The following TCF20 variants were observed in gnomAD, a reference collection of about 807,000 sequenced individuals.
TCF20 encodes SPRE-binding protein.
Under a neutral mutation model 148.6 loss-of-function variants are expected in TCF20, and 3 were observed. The ratio of observed to expected loss-of-function variants is 0.02; its 90% CI spans 0.01 to 0.05. The LOEUF (loss-of-function observed/expected upper bound fraction) is 0.05, where lower values mean the gene tolerates loss of function less well. Ranked by LOEUF, TCF20 falls within the 10% of genes least tolerant of loss-of-function variation. TCF20 has a pLI of 1.00. For missense variants in TCF20, 2,350 were observed against 2,429.3 expected, an observed-to-expected ratio of 0.97 and a Z score of 0.69; for synonymous variants, 1,049 against 909.5, an observed-to-expected ratio of 1.15 and a Z score of -2.76.
chr22:42,191,615 T>C (rs376926949), intron 2 of TCF20, among the ~76,000 whole-genome samples: 122 of 152,326 alleles, frequency 8.0e-4, no homozygotes, highest in African/African-American at 2.8e-3. Flanking sequence ...TACAGTTATA[T>C]ATACTCCATT....
At position 42,343,311 on chromosome 22, in the gene TCF20, T is replaced by C. The variant is rs141546806; in HGVS notation, c.-37+168A>G. 1.3e-3 allele frequency among the ~76,000 whole-genome samples: 193 copies of C among 152,224 alleles called. 4 individuals are homozygous for C. The East Asian group carries it at 0.036, about 29-fold the overall frequency. ...CCGCTGGCGCACAGCAGGCGCGCGATAAGTGCCAGCCTTTGAGCCTCACAC... is the reference window on the plus strand; with the variant it reads ...CCGCTGGCGCACAGCAGGCGCGCGACAAGTGCCAGCCTTTGAGCCTCACAC... On this transcript the variant is annotated intron_variant, in intron 1 of 1. Coordinates refer to the TCF20 transcript ENST00000515426.
chr22:42,277,302 G>T (rs1926801439), intron 1 of TCF20, among the ~76,000 whole-genome samples: 1 of 152,166 alleles, frequency 6.6e-6, no homozygotes, highest in African/African-American at 2.4e-5. Context: ...GATCCCAAGG[G>T]TCCCTGTGGT....
rs1368168778 is a variant in TCF20, at chr22:42,241,244, T to C, written c.-36-25903A>G. 2.0e-5 allele frequency among the ~76,000 whole-genome samples: 3 copies of C among 152,214 alleles called. No individual in the cohort carries two copies. In the East Asian group the frequency reaches 5.8e-4, roughly 29 times the overall value. On this transcript the variant is annotated intron_variant, in intron 1 of 5. Transcript: ENST00000677622. Reference sequence around the variant, plus strand: ...CACACCCAAAGCCTCTAATTATTTCTATAAACAATTTTTCAAATACCATGT... The same window carrying C: ...CACACCCAAAGCCTCTAATTATTTCCATAAACAATTTTTCAAATACCATGT...
intron 1 of TCF20, among the ~76,000 whole-genome samples, chr22:42,312,076 C>CTT (rs545628654): frequency 1.3e-3 from 197 of 152,340 alleles, no homozygotes; most frequent in African/African-American, 4.6e-3. Flanking sequence ...ACTTAGAAAT[C>CTT]ACCTTGCAGA....
At chr22:42,179,936 CA>C (rs1230519533) in intron 2 of TCF20, among the ~76,000 whole-genome samples, 2 of 152,176 alleles carry the variant, frequency 1.3e-5, no homozygotes, top group African/African-American at 4.8e-5. Context: ...ATCAACAATA[CA>C]GCAGGGTGAG....
Position 42,212,106 on chromosome 22 carries a change from G to A in TCF20, c.3200C>T (p.Thr1067Ile). Residue 1067 changes from threonine (T) to isoleucine (I), a missense_variant, in exon 2 of 6, where the codon ACT (threonine) becomes ATT (isoleucine). Around this residue, in one of 7 missense-constraint regions of TCF20, gnomAD observed 1,641 missense variants for 1,662.6 expected, o/e 0.99. Coordinates refer to ENST00000677622, the MANE Select transcript of TCF20 (RefSeq NM_001378418.1). ...ETLASAYHAN[T>I]RAHAYGDPNA... ...AGGGTCCCCATAAGCATGAGCCCGA[G>A]TATTTGCATGATAAGCAGAGGCCAG... The A allele has an allele frequency of 6.2e-7, 1 of 1,614,194 alleles. No individual in the cohort carries two copies. The highest frequency in any genetic ancestry group is 8.5e-7 in the Non-Finnish European group (1 of 1,180,046).
chr22:42,314,109 C>G (rs891620979), intron 1 of TCF20, among the ~76,000 whole-genome samples: 2 of 152,186 alleles, frequency 1.3e-5, no homozygotes, highest in Non-Finnish European at 1.5e-5. Flanking sequence ...CAGGGAGCCC[C>G]GTTCCTGAGG....
intron 1 of TCF20, among the ~76,000 whole-genome samples, chr22:42,306,415 G>T (rs1232166162): frequency 6.6e-6 from 1 of 152,212 alleles, no homozygotes; most frequent in African/African-American, 2.4e-5. Flanking sequence ...GCTGCTAGGG[G>T]ACCCCCAGGC....
Position 42,298,370 on chromosome 22 carries a change from G to A in TCF20, c.-37+45109C>T, listed in dbSNP as rs545599464. 2.0e-5 allele frequency among the ~76,000 whole-genome samples: 3 copies of A among 152,364 alleles called. No individual in the cohort carries two copies. In the South Asian group the frequency reaches 6.2e-4, roughly 32 times the overall value. On this transcript the variant is annotated intron_variant, in intron 1 of 1. Transcript: ENST00000515426. ...CGACTGTTGTTGGGGCACCCATTGG[G>A]TGTGGAAGGCGACAGCAGCTGCTGC...
At chr22:42,340,784 T>C (rs1315637398) in intron 1 of TCF20, among the ~76,000 whole-genome samples, 1 of 150,674 alleles carries the variant, frequency 6.6e-6, no homozygotes, top group African/African-American at 2.5e-5. Context: ...TCCCTCATCA[T>C]CTCTTCCACA....
In TCF20 at chr22:42,211,998, C is replaced by A. The variant is rs1422708317; in HGVS notation, c.3308G>T (p.Gly1103Val). The A allele has an allele frequency of 1.6e-5, 26 of 1,614,158 alleles. No individual in the cohort carries two copies. Among genetic ancestry groups the A allele is most frequent in the South Asian group, 2.2e-5 (2 of 91,078 alleles). ...QPEEYKDWSS[G>V]SAQGVIAAAQ... ...TGCAGCAATTACTCCCTGAGCAGAA[C>A]CGCTGCTCCAGTCTTTATACTCCTC... Residue 1103 changes from glycine to valine, a missense_variant, in exon 2 of 6, where the codon GGT (glycine) becomes GTT (valine). Physicochemically the swap from Gly to Val is moderately radical, Grantham distance 109. Transcript: ENST00000677622.
intron 1 of TCF20, among the ~76,000 whole-genome samples, chr22:42,253,466 A>G (rs1925539531): frequency 6.6e-6 from 1 of 152,250 alleles, no homozygotes. Flanking sequence ...AAAAGGGATT[A>G]CATAAATATA....
chr22:42,300,303 C>T (rs1011073065), intron 1 of TCF20, among the ~76,000 whole-genome samples: 2 of 151,650 alleles, frequency 1.3e-5, no homozygotes, highest in Non-Finnish European at 2.9e-5. Context: ...GGTGAGAGCT[C>T]GTGGCTGGGC....
chr22:42,221,738 G>GTTTTT (rs1249442201), intron 1 of TCF20, among the ~76,000 whole-genome samples: 1 of 40,694 alleles, frequency 2.5e-5, no homozygotes, highest in Non-Finnish European at 4.6e-5. Flanking sequence ...TATGGCAAAG[G>GTTTTT]GTTTTTTTTT....
At chr22:42,258,928 T>G (rs1198663885) in intron 1 of TCF20, among the ~76,000 whole-genome samples, 1 of 152,188 alleles carries the variant, frequency 6.6e-6, no homozygotes, top group East Asian at 1.9e-4. Context: ...ATTTTACTTT[T>G]CTCTAACAGC....
At chr22:42,269,389 G>A (rs537237980) in intron 1 of TCF20, among the ~76,000 whole-genome samples, 6 of 152,256 alleles carry the variant, frequency 3.9e-5, no homozygotes, top group East Asian at 1.9e-4. Context: ...CCAGCAGACC[G>A]TATTGGTATC....
intron 2 of TCF20, among the ~76,000 whole-genome samples, chr22:42,188,130 C>T (rs35520721): frequency 2.0e-5 from 3 of 151,642 alleles, no homozygotes; most frequent in Non-Finnish European, 2.9e-5. Context: ...CCTGTCTCTA[C>T]TAAAAATACA....
chr22:42,271,910 G>A (rs1359229260), upstream of TCF20, among the ~76,000 whole-genome samples: 1 of 152,126 alleles, frequency 6.6e-6, no homozygotes, highest in Non-Finnish European at 1.5e-5. Flanking sequence ...TTTACTTTTT[G>A]ACCTTTCACC....
At position 42,161,154 on chromosome 22, in the gene TCF20, T is replaced by A; in HGVS notation, c.*249A>T. On this transcript the variant is annotated 3_prime_UTR_variant, in exon 6 of 6. Coordinates refer to ENST00000677622, the MANE Select transcript of TCF20 (RefSeq NM_001378418.1). ...CCACATTGTCACTATGGAGATTGTGTCCATGGAAACAGCCATTCCAACGTC... is the reference window on the plus strand; with the variant it reads ...CCACATTGTCACTATGGAGATTGTGACCATGGAAACAGCCATTCCAACGTC... 2.3e-6 allele frequency: 1 copy of A among 426,804 alleles called. No individual in the cohort carries two copies. 26.4% of individuals were successfully genotyped at this position (426,804 alleles called of 1,614,324 possible).
Sources: gnomAD v4.1 joint callset for allele counts (sites outside exome capture counted in the v4.1 genomes callset) on GRCh38, gnomAD v4.1.1 for gene constraint, gnomAD v4.1.1 regional missense constraint, MANE v1.5 for transcripts, NCBI Gene and HGNC (gene_info 2026-07-23, HGNC 2026-07-21) for gene names.